The following CPQ variants were observed in gnomAD, a reference collection of about 807,000 sequenced individuals.
CPQ encodes Ser-Met dipeptidase.
CPQ carries 37 observed loss-of-function variants against 45.7 expected under a neutral mutation model. That is an observed-to-expected ratio of 0.81 (90% CI 0.62 to 1.07). CPQ has a LOEUF of 1.07. CPQ is among the 50% of genes least tolerant of loss of function. The probability of loss-of-function intolerance (pLI) is 0.00; values close to 1 mark genes in which losing one functional copy is unlikely to be tolerated. For synonymous variants in CPQ, 186 were observed against 205.8 expected, an observed-to-expected ratio of 0.90 and a Z score of 0.82; for missense variants, 537 against 572.9, an observed-to-expected ratio of 0.94 and a Z score of 0.64.
rs1586418127 is a variant in CPQ, at chr8:96,830,895, A to T, written c.434-4078A>T. Among the ~76,000 whole-genome samples the T allele has an allele frequency of 2.0e-5, 3 of 152,302 alleles. No individual in the cohort carries two copies. The South Asian group carries it at 6.2e-4, about 32-fold the overall frequency. ...TCTTTTGATATTTGTTACATTTGTG[A>T]AATAATATAACAATGCAGTTAATGG... On this transcript the variant is annotated intron_variant, in intron 2 of 7. Coordinates refer to ENST00000220763, the MANE Select transcript of CPQ (RefSeq NM_016134.4).
At chr8:96,662,960 C>T (rs1808857310) in intron 1 of CPQ, among the ~76,000 whole-genome samples, 1 of 152,214 alleles carries the variant, frequency 6.6e-6, no homozygotes, top group African/African-American at 2.4e-5. Flanking sequence ...GCACTCCAGC[C>T]TGAGCTACAG....
intron 1 of CPQ, among the ~76,000 whole-genome samples, chr8:96,702,712 G>A (rs1051344555): frequency 1.3e-5 from 2 of 152,168 alleles, no homozygotes; most frequent in Admixed American, 6.5e-5. Context: ...AAGTGGTAGA[G>A]CCAGGTTTCA....
At chr8:96,853,376 A>G (rs1460650798) in intron 3 of CPQ, among the ~76,000 whole-genome samples, 1 of 152,210 alleles carries the variant, frequency 6.6e-6, no homozygotes, top group Admixed American at 6.5e-5. Flanking sequence ...ATAGACACAG[A>G]TGGAATTTCT....
intron 2 of CPQ, among the ~76,000 whole-genome samples, chr8:96,795,775 T>TTTAAAAGAA (rs1231992103): frequency 6.6e-6 from 1 of 152,064 alleles, no homozygotes; most frequent in Non-Finnish European, 1.5e-5. Flanking sequence ...GAAAGAAGTA[T>TTTAAAAGAA]AGACTTTTAA....
At chr8:97,123,002 T>TTAAATAAAATATAAA in intron 7 of CPQ, among the ~76,000 whole-genome samples, 1 of 15,222 alleles carries the variant, frequency 6.6e-5, no homozygotes, top group African/African-American at 3.6e-4. Context: ...TAAAATAAAA[T>TTAAATAAAATATAAA]ATAAAATAAA....
At chr8:96,822,357 T>C (rs908983544) in intron 2 of CPQ, among the ~76,000 whole-genome samples, 23 of 152,190 alleles carry the variant, frequency 1.5e-4, no homozygotes, top group Non-Finnish European at 2.9e-4. Context: ...AATGTTGTAA[T>C]GAACATAGGA....
intron 1 of CPQ, among the ~76,000 whole-genome samples, chr8:96,708,804 G>A (rs1489218047): frequency 6.6e-6 from 1 of 151,984 alleles, no homozygotes; most frequent in African/African-American, 2.4e-5. Context: ...TTTTCGCAGA[G>A]TTACGTATCT....
intron 4 of CPQ, among the ~76,000 whole-genome samples, chr8:96,895,865 A>G (rs1180273312): frequency 4.6e-5 from 7 of 152,202 alleles, no homozygotes; most frequent in Non-Finnish European, 1.0e-4. Flanking sequence ...GCAATTATGG[A>G]CAGTTAATGC....
chr8:96,707,561 G>A (rs1003322872), intron 1 of CPQ, among the ~76,000 whole-genome samples: 3 of 151,938 alleles, frequency 2.0e-5, no homozygotes, highest in South Asian at 2.1e-4. Flanking sequence ...CAGGGAAGCC[G>A]AAAGTTGAGG....
intron 1 of CPQ, among the ~76,000 whole-genome samples, chr8:96,772,972 C>G (rs555020799): frequency 1.3e-5 from 2 of 151,912 alleles, no homozygotes; most frequent in African/African-American, 4.8e-5. Flanking sequence ...GAAATGCCAC[C>G]CCATTTTTAA....
intron 7 of CPQ, among the ~76,000 whole-genome samples, chr8:97,114,670 C>A (rs574826586): frequency 1.3e-5 from 2 of 152,210 alleles, no homozygotes; most frequent in African/African-American, 4.8e-5. Context: ...AGACTCACCA[C>A]GGTCTTGTCA....
intron 6 of CPQ, among the ~76,000 whole-genome samples, chr8:97,062,492 G>A (rs575318912): frequency 1.5e-4 from 23 of 152,256 alleles, no homozygotes; most frequent in Non-Finnish European, 2.9e-4. Flanking sequence ...TCTATTTTAA[G>A]TTCAGGGGTA....
intron 3 of CPQ, among the ~76,000 whole-genome samples, chr8:96,859,285 T>C (rs551907736): frequency 6.6e-6 from 1 of 152,352 alleles, no homozygotes; most frequent in South Asian, 2.1e-4. Flanking sequence ...GCAGAATATC[T>C]TGTCTGCTTT....
chr8:97,039,058 G>T (rs981833215), intron 6 of CPQ, among the ~76,000 whole-genome samples: 1 of 152,118 alleles, frequency 6.6e-6, no homozygotes, highest in Admixed American at 6.5e-5. Context: ...GCATTTACAA[G>T]GTTGCAGTTG....
intron 6 of CPQ, among the ~76,000 whole-genome samples, chr8:97,040,449 T>C (rs887555333): frequency 1.3e-5 from 2 of 151,920 alleles, no homozygotes; most frequent in African/African-American, 4.8e-5. Flanking sequence ...TTCACTCTGA[T>C]GGTAGTTTCT....
chr8:96,917,109 G>A (rs1381823080), intron 4 of CPQ, among the ~76,000 whole-genome samples: 1 of 151,976 alleles, frequency 6.6e-6, no homozygotes, highest in East Asian at 1.9e-4. Flanking sequence ...GAGTTGTAAG[G>A]TGAGAGACAG....
chr8:96,674,521 C>G (rs1809048889), intron 1 of CPQ, among the ~76,000 whole-genome samples: 1 of 152,060 alleles, frequency 6.6e-6, no homozygotes, highest in Non-Finnish European at 1.5e-5. Context: ...ATTCAACACA[C>G]CTGGCTAAGA....
intron 7 of CPQ, among the ~76,000 whole-genome samples, chr8:97,134,901 G>T (rs1157879667): frequency 6.6e-6 from 1 of 152,204 alleles, no homozygotes. Flanking sequence ...TCAACAAGCA[G>T]TGACTATTAT....
At chr8:96,957,639 G>A (rs900838209) in intron 4 of CPQ, among the ~76,000 whole-genome samples, 1 of 151,810 alleles carries the variant, frequency 6.6e-6, no homozygotes, top group Non-Finnish European at 1.5e-5. Context: ...TATCTACTGA[G>A]AGTACAAAAA....
Sources: allele counts gnomAD v4.1 joint callset (sites outside exome capture counted in the v4.1 genomes callset), GRCh38; gene constraint gnomAD v4.1.1; transcripts MANE v1.5; gene names NCBI Gene and HGNC (gene_info 2026-07-23, HGNC 2026-07-21).